The following CNTNAP2 variants were observed in gnomAD, a reference collection of about 807,000 sequenced individuals.
The protein encoded by CNTNAP2 is contactin associated protein 2, also known as contactin-associated protein-like 2.
A neutral mutation model predicts 155.2 loss-of-function variants in CNTNAP2; 98 were observed. The observed-to-expected ratio is 0.63, with a 90% CI of 0.54 to 0.75. CNTNAP2 has a LOEUF of 0.75. CNTNAP2 is among the 30% of genes least tolerant of loss of function. The pLI is 0.00. For missense variants in CNTNAP2, 1,727 were observed against 1,688.1 expected, an observed-to-expected ratio of 1.02 and a Z score of -0.40; for synonymous variants, 651 against 631.2, an observed-to-expected ratio of 1.03 and a Z score of -0.47.
At chr7:148,233,517 T>C (rs1437714960) in intron 20 of CNTNAP2, among the ~76,000 whole-genome samples, 1 of 152,240 alleles carries the variant, frequency 6.6e-6, no homozygotes, top group Non-Finnish European at 1.5e-5. Context: ...CCAGTTCCTC[T>C]TGAGAATTGA....
At chr7:146,973,426 G>A (rs1486714325) in intron 3 of CNTNAP2, among the ~76,000 whole-genome samples, 2 of 152,202 alleles carry the variant, frequency 1.3e-5, no homozygotes, top group African/African-American at 2.4e-5. Context: ...CACACTGAAA[G>A]TACTATTAGC....
chr7:147,100,929 A>T (rs575833232), intron 4 of CNTNAP2, among the ~76,000 whole-genome samples: 1 of 152,336 alleles, frequency 6.6e-6, no homozygotes, highest in African/African-American at 2.4e-5. Context: ...AAATGATAAA[A>T]GTATGCAAGG....
At chr7:147,417,280 G>A (rs1326770019) in intron 10 of CNTNAP2, among the ~76,000 whole-genome samples, 4 of 152,130 alleles carry the variant, frequency 2.6e-5, no homozygotes, top group African/African-American at 7.2e-5. Flanking sequence ...TTTATTTCTC[G>A]CAGTTGTGGA....
At chr7:146,923,775 G>T (rs369496385) in intron 3 of CNTNAP2, among the ~76,000 whole-genome samples, 2 of 151,986 alleles carry the variant, frequency 1.3e-5, no homozygotes, top group East Asian at 1.9e-4. Context: ...GATCTCTCTC[G>T]ATCTTTATGC....
At chr7:147,665,436 G>C (rs1277458114) in intron 13 of CNTNAP2, among the ~76,000 whole-genome samples, 1 of 152,154 alleles carries the variant, frequency 6.6e-6, no homozygotes, top group Non-Finnish European at 1.5e-5. Flanking sequence ...AATATGTCTT[G>C]TGGTGAATAT....
chr7:146,334,077 G>A (rs914797798), intron 1 of CNTNAP2, among the ~76,000 whole-genome samples: 2 of 152,108 alleles, frequency 1.3e-5, no homozygotes, highest in African/African-American at 4.8e-5. Context: ...TTCAGAGATC[G>A]GCAAAATAAA....
chr7:147,389,428 C>G (rs1796673307), intron 9 of CNTNAP2, among the ~76,000 whole-genome samples: 1 of 152,158 alleles, frequency 6.6e-6, no homozygotes, highest in South Asian at 2.1e-4. Flanking sequence ...TCTGTCCCAT[C>G]AGATGAACAT....
At chr7:147,929,510 T>C (rs1005166913) in intron 14 of CNTNAP2, among the ~76,000 whole-genome samples, 1 of 152,190 alleles carries the variant, frequency 6.6e-6, no homozygotes, top group African/African-American at 2.4e-5. Flanking sequence ...TATTTAAAGA[T>C]ATGAAAGGTA....
intron 1 of CNTNAP2, among the ~76,000 whole-genome samples, chr7:146,324,665 A>ATATATTCCCCTC (rs1476624553): frequency 6.6e-6 from 1 of 152,084 alleles, no homozygotes; most frequent in Non-Finnish European, 1.5e-5. Context: ...TCTAATAAAT[A>ATATATTCCCCTC]TATATTCCCC....
chr7:147,597,055 G>A (rs1420138656), intron 12 of CNTNAP2, among the ~76,000 whole-genome samples: 11 of 152,190 alleles, frequency 7.2e-5, no homozygotes, highest in Non-Finnish European at 1.5e-5. Context: ...CCCTTGTTTA[G>A]CATATAATCA....
chr7:146,637,408 C>G (rs1268570667), intron 1 of CNTNAP2, among the ~76,000 whole-genome samples: 1 of 152,178 alleles, frequency 6.6e-6, no homozygotes, highest in Non-Finnish European at 1.5e-5. Flanking sequence ...CCTTGTGTCA[C>G]TTGCTTTGCT....
chr7:148,332,783 T>C (rs1798052589), intron 21 of CNTNAP2, among the ~76,000 whole-genome samples: 1 of 152,212 alleles, frequency 6.6e-6, no homozygotes, highest in Admixed American at 6.5e-5. Context: ...TTGTCCTTTT[T>C]TGAACGATGC....
At chr7:146,560,262 G>A (rs1214629143) in intron 1 of CNTNAP2, among the ~76,000 whole-genome samples, 1 of 151,984 alleles carries the variant, frequency 6.6e-6, no homozygotes, top group African/African-American at 2.4e-5. Context: ...TAATGCCGAT[G>A]AGTTTGTGCC....
intron 17 of CNTNAP2, among the ~76,000 whole-genome samples, chr7:148,159,275 G>A (rs1562978150): frequency 6.6e-6 from 1 of 151,730 alleles, no homozygotes. Flanking sequence ...TCACCCTCTC[G>A]CCATCGCCGA....
intron 8 of CNTNAP2, among the ~76,000 whole-genome samples, chr7:147,263,326 C>G (rs990342058): frequency 1.3e-5 from 2 of 151,226 alleles, no homozygotes; most frequent in African/African-American, 4.9e-5. Context: ...ATGCCGCTGT[C>G]CTCCAGCCTG....
chr7:146,808,466 T>C (rs1285665667), intron 2 of CNTNAP2, among the ~76,000 whole-genome samples: 1 of 152,202 alleles, frequency 6.6e-6, no homozygotes, highest in African/African-American at 2.4e-5. Context: ...ATTGTGCTGA[T>C]TTTGCTCACT....
At chr7:146,599,948 C>T (rs377877) in intron 1 of CNTNAP2, among the ~76,000 whole-genome samples, 1 of 151,936 alleles carries the variant, frequency 6.6e-6, no homozygotes, top group African/African-American at 2.4e-5. Context: ...ATTTATATTT[C>T]CCGTTAATTT....
At chr7:146,810,966 T>G (rs1297137439) in intron 2 of CNTNAP2, among the ~76,000 whole-genome samples, 1 of 152,224 alleles carries the variant, frequency 6.6e-6, no homozygotes, top group East Asian at 1.9e-4. Flanking sequence ...GAACCATCCT[T>G]GCATCTCAAG....
rs1348749474 is a variant in CNTNAP2, at chr7:148,415,780, C to A, written c.*164C>A. On this transcript the variant is annotated 3_prime_UTR_variant, in exon 24 of 24. Coordinates refer to ENST00000361727, the MANE Select transcript of CNTNAP2 (RefSeq NM_014141.6). ...AATGGAATATTCTTGAGACTGATCA[C>A]AAAAAAAAAAACCTTTTTAATATTT... 9.9e-4 allele frequency: 571 copies of A among 578,270 alleles called. No individual in the cohort carries two copies. Among genetic ancestry groups the A allele is most frequent in the South Asian group, 1.8e-3 (71 of 39,546 alleles). 35.8% of individuals were successfully genotyped at this position (578,270 alleles called of 1,614,324 possible).
Sources: allele counts gnomAD v4.1 joint callset (sites outside exome capture counted in the v4.1 genomes callset), GRCh38; gene constraint gnomAD v4.1.1; transcripts MANE v1.5; gene names NCBI Gene and HGNC (gene_info 2026-07-23, HGNC 2026-07-21).